Variants in CPLANE2 observed in about 807,000 individuals in gnomAD.
CPLANE2 encodes ciliogenesis and planar polarity effector complex subunit 2, also known as ciliogenesis and planar polarity effector 2.
Under a neutral mutation model 20.9 loss-of-function variants are expected in CPLANE2, and 24 were observed. The ratio of observed to expected loss-of-function variants is 1.15; its 90% CI spans 0.83 to 1.61. CPLANE2 has a LOEUF of 1.61. Among genes scored for constraint, CPLANE2 ranks in the 40% most tolerant of loss-of-function variants. The pLI is 0.00. For missense variants in CPLANE2, 330 were observed against 355.1 expected, an observed-to-expected ratio of 0.93 and a Z score of 0.57; for synonymous variants, 132 against 144.3, an observed-to-expected ratio of 0.92 and a Z score of 0.61.
intron 1 of CPLANE2, among the ~76,000 whole-genome samples, chr1:16,235,933 G>A (rs760153856): frequency 3.9e-5 from 6 of 151,998 alleles, no homozygotes; most frequent in Non-Finnish European, 8.8e-5. Flanking sequence ...TGCCCACCTC[G>A]GCCTCCCAAA....
At position 16,233,670 on chromosome 1, in the gene CPLANE2, C is replaced by T. The variant is rs778047638; in HGVS notation, c.207G>A (p.Thr69=). 1.5e-5 allele frequency: 25 copies of T among 1,614,090 alleles called. No homozygotes were observed. In the South Asian group the frequency reaches 2.4e-4, roughly 16 times the overall value. Residue 69 remains threonine (T), a synonymous_variant, in exon 2 of 5, where the codon ACG becomes ACA. Coordinates refer to ENST00000375599, the MANE Select transcript of CPLANE2 (RefSeq NM_030907.4). ...FVSGKSGVGK[T]ALVAKLAGLE... ...GGCCAGCCAGCTTGGCCACCAGCGC[C>T]GTCTTGCCCACACCACTCTTCCCGG...
chr1:16,233,786 G>A (rs1343471140), intron 1 of CPLANE2, 22 bp from the exon 2 acceptor site: 1 of 1,613,666 alleles, frequency 6.2e-7, no homozygotes, highest in African/African-American at 1.3e-5. Flanking sequence ...AGAGAGCCAG[G>A]CAGGGTCAAG....
chr1:16,232,878 C>A lies in CPLANE2; in HGVS notation c.390+15G>T. 6.2e-7 allele frequency: 1 copy of A among 1,613,976 alleles called. No homozygotes were observed. Among genetic ancestry groups the A allele is most frequent in the Non-Finnish European group, 8.5e-7 (1 of 1,179,904 alleles). On this transcript the variant is annotated intron_variant, in intron 3 of 4. Transcript: ENST00000375599. Reference sequence around the variant, plus strand: ...GCCCCTGGCAGAACCCACCCAGGCCCACATGCCTGCTCACCAGCAGCATAT... The same window carrying A: ...GCCCCTGGCAGAACCCACCCAGGCCAACATGCCTGCTCACCAGCAGCATAT...
In CPLANE2 at chr1:16,232,641, G is replaced by A; in HGVS notation, c.396C>T (p.Cys132=). 2 of 1,614,056 alleles carry A rather than the reference G, an allele frequency of 1.2e-6. No individual in the cohort carries two copies. The highest frequency in any genetic ancestry group is 1.7e-6 in the Non-Finnish European group (2 of 1,180,000). Residue 132 remains cysteine, a synonymous_variant, in exon 4 of 5, where the codon TGC becomes TGT. Coordinates refer to ENST00000375599, the MANE Select transcript of CPLANE2 (RefSeq NM_030907.4). ...LKKFDHMLLA[C]MENTDAFLFL... ...AGAGGAAGGCATCTGTGTTCTCCAT[G>A]CAAGCCTGGTGATGGAGAGGCATAT...
intron 1 of CPLANE2, among the ~76,000 whole-genome samples, chr1:16,234,444 G>C (rs1267741067): frequency 6.6e-6 from 1 of 152,186 alleles, no homozygotes; most frequent in African/African-American, 2.4e-5. Flanking sequence ...GTATTCTGTT[G>C]TAGCAGCATA....
At chr1:16,233,409 T>TACC (rs750995632) in intron 2 of CPLANE2, among the ~76,000 whole-genome samples, 34 of 152,316 alleles carry the variant, frequency 2.2e-4, no homozygotes, top group South Asian at 1.4e-3. Flanking sequence ...CTAGGCATGT[T>TACC]ACCACCACCA....
chr1:16,236,157 A>C lies in CPLANE2; in HGVS notation c.112+474T>G, dbSNP rs1163673391. On this transcript the variant is annotated intron_variant, in intron 1 of 4. Coordinates refer to ENST00000375599, the MANE Select transcript of CPLANE2 (RefSeq NM_030907.4). ...TTCCAGGCACCTCTGCCGGCCTGAC[A>C]GCTGGGCCCTGCCTGGGTGAGTCAG... Among the ~76,000 whole-genome samples, 3 of 152,170 alleles carry C rather than the reference A, an allele frequency of 2.0e-5. 1 individual carries two copies. The highest frequency in any genetic ancestry group is 4.4e-5 in the Non-Finnish European group (3 of 68,024).
Position 16,236,693 on chromosome 1 carries a change from T to C in CPLANE2, c.50A>G (p.Glu17Gly). 1.3e-6 allele frequency: 2 copies of C among 1,562,468 alleles called. No individual in the cohort carries two copies. The highest frequency in any genetic ancestry group is 1.4e-5 in the African/African-American group (1 of 74,034). ...PGSVVVPNWH[E>G]SAEGKEYLAC... ...CAGGTACTCCTTGCCCTCGGCACTC[T>C]CGTGCCAGTTTGGGACAACCACCGA... The change falls in exon 1 of 5, where the codon GAG becomes GGG. Residue 17 changes from glutamate to glycine, a missense_variant. Physicochemically the swap from Glu to Gly is moderately conservative, Grantham distance 98. Coordinates refer to ENST00000375599, the MANE Select transcript of CPLANE2 (RefSeq NM_030907.4).
intron 1 of CPLANE2, among the ~76,000 whole-genome samples, chr1:16,234,519 C>T (rs2863843): frequency 0.38 from 57,305 of 151,900 alleles, 12,013 homozygotes; most frequent in African/African-American, 0.56. Context: ...GACAGTCTCA[C>T]TTATTTATTT....
In CPLANE2 at chr1:16,236,866, C is replaced by G. The variant is rs1347841999; in HGVS notation, c.-124G>C. 9.8e-6 allele frequency: 7 copies of G among 716,462 alleles called. No homozygotes were observed. The highest frequency in any genetic ancestry group is 2.2e-5 in the Admixed American group (1 of 45,986). The allele number at this position is 716,462 out of a possible 1,614,324, so 44.4% of individuals were successfully genotyped here. On this transcript the variant is annotated 5_prime_UTR_variant, in exon 1 of 5. Transcript: ENST00000375599. ...ACTGCCCTCTGACTCTCCCGGGGGGCCCCAGAAAGTGCAGTCCCTCAGCCG... is the reference window on the plus strand; with the variant it reads ...ACTGCCCTCTGACTCTCCCGGGGGGGCCCAGAAAGTGCAGTCCCTCAGCCG...
chr1:16,232,066 T>TG lies in CPLANE2; in HGVS notation c.758dup (p.Glu254ArgfsTer5), dbSNP rs1220027350. On this transcript the variant is annotated frameshift_variant, in exon 5 of 5. Transcript: ENST00000375599. LOFTEE classifies it high-confidence loss of function. Reference sequence around the variant, plus strand: ...TCGTGACTCATTCAGGAGCACTCTCTGGGGGGTTGGGAAGCAGGCCAGCCG... The same window carrying TG: ...TCGTGACTCATTCAGGAGCACTCTCTGGGGGGGTTGGGAAGCAGGCCAGCCG... 3 of 1,612,860 alleles carry TG rather than the reference T, an allele frequency of 1.9e-6. No individual in the cohort carries two copies. Among genetic ancestry groups the TG allele is most frequent in the African/African-American group, 1.3e-5 (1 of 74,906 alleles).
Position 16,232,252 on chromosome 1 carries a change from T to C in CPLANE2, c.573A>G (p.Thr191=). Residue 191 remains threonine, a synonymous_variant, in exon 5 of 5, where the codon ACA becomes ACG. Coordinates refer to ENST00000375599, the MANE Select transcript of CPLANE2 (RefSeq NM_030907.4). The part of the protein sequence containing the change: ...MHTDVPERDL[T]AFRQAWELPL... ...GCAGCTCCCAGGCCTGCCGGAAGGC[T>C]GTGAGGTCCCGCTCGGGCACGTCCG... 6.2e-7 allele frequency: 1 copy of C among 1,611,262 alleles called. No homozygotes were observed. Among genetic ancestry groups the C allele is most frequent in the Non-Finnish European group, 8.5e-7 (1 of 1,179,716 alleles).
intron 1 of CPLANE2, among the ~76,000 whole-genome samples, chr1:16,235,930 C>T (rs1011921304): frequency 1.2e-4 from 18 of 152,186 alleles, no homozygotes; most frequent in African/African-American, 4.1e-4. Context: ...ATTTGCCCAC[C>T]TCGGCCTCCC....
At position 16,233,024 on chromosome 1, in the gene CPLANE2, G is replaced by A. The variant is rs1490457050; in HGVS notation, c.266-7C>T. The A allele has an allele frequency of 6.2e-7, 1 of 1,614,040 alleles. No individual in the cohort carries two copies. Among genetic ancestry groups the A allele is most frequent in the South Asian group, 1.1e-5 (1 of 91,070 alleles). ...ACCACGGTGGTCTGGATGCCTGAGG[G>A]GGAGCCAGGGTCAGCCACTCACCAT... On this transcript the variant is annotated splice_region_variant and splice_polypyrimidine_tract_variant and intron_variant, in intron 2 of 4. Transcript: ENST00000375599.
rs2081469193 is a variant in CPLANE2, at chr1:16,236,857, C to T, written c.-115G>A. 2 of 761,756 alleles carry T rather than the reference C, an allele frequency of 2.6e-6. No individual in the cohort carries two copies. Among genetic ancestry groups the T allele is most frequent in the Non-Finnish European group, 4.5e-6 (2 of 446,968 alleles). The allele number at this position is 761,756 out of a possible 1,614,324, so 47.2% of individuals were successfully genotyped here. Reference sequence around the variant, plus strand: ...TCCCTCTTAACTGCCCTCTGACTCTCCCGGGGGGCCCCAGAAAGTGCAGTC... The same window carrying T: ...TCCCTCTTAACTGCCCTCTGACTCTTCCGGGGGGCCCCAGAAAGTGCAGTC... On this transcript the variant is annotated 5_prime_UTR_variant, in exon 1 of 5. Transcript: ENST00000375599.
chr1:16,236,804 G>T lies in CPLANE2; in HGVS notation c.-62C>A. On this transcript the variant is annotated 5_prime_UTR_variant, in exon 1 of 5. Coordinates refer to ENST00000375599, the MANE Select transcript of CPLANE2 (RefSeq NM_030907.4). ...TGCTGAGAGCAGGGAGTGGGAAGGG[G>T]AGTGACAGTACCAAGCCGGGCCTGT... is the stretch of plus-strand genomic sequence containing the variant. 7.9e-7 allele frequency: 1 copy of T among 1,265,080 alleles called. No homozygotes were observed. The highest frequency in any genetic ancestry group is 1.1e-6 in the Non-Finnish European group (1 of 887,840). 78.4% of individuals were successfully genotyped at this position (1,265,080 alleles called of 1,614,324 possible). A position where few individuals can be genotyped will look rare whatever the true frequency, so the allele number is the denominator to read the frequency against.
chr1:16,234,653 C>T (rs202057031), intron 1 of CPLANE2, among the ~76,000 whole-genome samples: 2 of 152,162 alleles, frequency 1.3e-5, no homozygotes, highest in African/African-American at 4.8e-5. Flanking sequence ...GCTGGGACTA[C>T]AAGGCATGAG....
chr1:16,233,658 G>A lies in CPLANE2; in HGVS notation c.219C>T (p.Ala73=). ...CAGGCACCTCCAGGCCAGCCAGCTT[G>A]GCCACCAGCGCCGTCTTGCCCACAC... The part of the protein sequence containing the change: ...KSGVGKTALV[A]KLAGLEVPVV... The change falls in exon 2 of 5, where the codon GCC becomes GCT. Residue 73 remains alanine, a synonymous_variant. Transcript: ENST00000375599. 1 of 1,614,182 alleles carries A rather than the reference G, an allele frequency of 6.2e-7. No homozygotes were observed. Among genetic ancestry groups the A allele is most frequent in the South Asian group, 1.1e-5 (1 of 91,086 alleles).
intron 1 of CPLANE2, among the ~76,000 whole-genome samples, chr1:16,236,427 A>T (rs1197959485): frequency 6.6e-6 from 1 of 152,202 alleles, no homozygotes; most frequent in Non-Finnish European, 1.5e-5. Context: ...CCTGGCTCTG[A>T]CGATGGAATT....
Sources: allele counts gnomAD v4.1 joint callset (sites outside exome capture counted in the v4.1 genomes callset), GRCh38; gene constraint gnomAD v4.1.1; transcripts MANE v1.5; gene names NCBI Gene and HGNC (gene_info 2026-07-23, HGNC 2026-07-21).